The following MYOF variants were observed in gnomAD, a reference collection of about 807,000 sequenced individuals.
The protein encoded by MYOF is myoferlin, also known as fer-1-like 3, myoferlin.
In MYOF, 244 loss-of-function variants were observed where a neutral mutation model predicts 284.2. That is an observed-to-expected ratio of 0.86 (90% CI 0.77 to 0.95). The LOEUF (loss-of-function observed/expected upper bound fraction) is 0.95, where lower values mean the gene tolerates loss of function less well. MYOF is among the 40% of genes least tolerant of loss of function. MYOF has a pLI of 0.00. For missense variants in MYOF, 2,496 were observed against 2,560.6 expected (o/e 0.97, Z 0.54); for synonymous variants, 904 against 919.7 (o/e 0.98, Z 0.31).
intron 49 of MYOF, 63 bp from the exon 50 acceptor site, chr10:93,316,876 A>C: frequency 1.5e-6 from 2 of 1,370,330 alleles, no homozygotes; most frequent in Non-Finnish European, 2.1e-6. Context: ...TCCTTAAGAC[A>C]GCATCAAAGC....
intron 1 of MYOF, among the ~76,000 whole-genome samples, chr10:93,478,836 A>AG (rs200937397): frequency 2.1e-3 from 126 of 58,918 alleles, no homozygotes; most frequent in Middle Eastern, 7.6e-3. Context: ...AAAAAAAAAA[A>AG]AAAAAAAGAA....
intron 39 of MYOF, among the ~76,000 whole-genome samples, chr10:93,338,818 G>T (rs940944374): frequency 2.6e-5 from 4 of 151,772 alleles, no homozygotes; most frequent in Non-Finnish European, 5.9e-5. Flanking sequence ...GTCACTTGTG[G>T]AATATTGTCA....
intron 29 of MYOF, among the ~76,000 whole-genome samples, chr10:93,358,753 A>G (rs898111137): frequency 6.6e-6 from 1 of 152,174 alleles, no homozygotes; most frequent in Non-Finnish European, 1.5e-5. Context: ...GAACAATGAG[A>G]ACACTTGGAC....
intron 25 of MYOF, among the ~76,000 whole-genome samples, chr10:93,369,289 G>A (rs1845478454): frequency 6.6e-6 from 1 of 151,832 alleles, no homozygotes. Flanking sequence ...ACTCTACTTA[G>A]TGTCCCAGCA....
At chr10:93,470,399 GT>G (rs1023455153) in intron 1 of MYOF, among the ~76,000 whole-genome samples, 1 of 151,698 alleles carries the variant, frequency 6.6e-6, no homozygotes, top group South Asian at 2.1e-4. Flanking sequence ...AGAAGTTTTT[GT>G]TTTTTTGTTT....
At chr10:93,381,652 C>T (rs1429000610) in intron 19 of MYOF, among the ~76,000 whole-genome samples, 3 of 152,148 alleles carry the variant, frequency 2.0e-5, no homozygotes, top group Non-Finnish European at 4.4e-5. Flanking sequence ...CAGTAGACCA[C>T]TTGTTAAACA....
At chr10:93,428,752 C>G (rs1848708192) in intron 4 of MYOF, among the ~76,000 whole-genome samples, 1 of 152,144 alleles carries the variant, frequency 6.6e-6, no homozygotes, top group Non-Finnish European at 1.5e-5. Flanking sequence ...TCACAGCACA[C>G]AAAGAATCAT....
chr10:93,369,864 TA>T, intron 24 of MYOF, 88 bp from the exon 25 acceptor site: 2 of 1,499,940 alleles, frequency 1.3e-6, no homozygotes, highest in Non-Finnish European at 1.8e-6. Flanking sequence ...AGGGAACATC[TA>T]ATCATTGCTT....
Position 93,372,978 on chromosome 10 carries a change from C to A in MYOF, c.2409G>T (p.Glu803Asp). The change falls in exon 24 of 54, where the codon GAG becomes GAT. Residue 803 changes from glutamate (E) to aspartate (D), a missense_variant. Physicochemically the swap from Glu to Asp is conservative, Grantham distance 45. This residue lies in a region of MYOF where 2,436 missense variants were observed against 2,480.7 expected (regional missense o/e 0.98). Transcript: ENST00000359263. The stretch of plus-strand genomic sequence containing the variant: ...TCCCACAGTATTTTCCAGATGCATT[C>A]TCACCACTGGTGGAGTACAAGACCT... The part of the protein sequence containing the change: ...AHQVLYSTSG[E>D]NASGKYCGKT... 1 of 1,614,216 alleles carries A rather than the reference C, an allele frequency of 6.2e-7. No homozygotes were observed. Among genetic ancestry groups the A allele is most frequent in the Non-Finnish European group, 8.5e-7 (1 of 1,180,032 alleles).
At chr10:93,377,785 A>G (rs1845903707) in intron 21 of MYOF, among the ~76,000 whole-genome samples, 1 of 152,224 alleles carries the variant, frequency 6.6e-6, no homozygotes, top group East Asian at 1.9e-4. Flanking sequence ...TACAGATTTT[A>G]GGATTGAACC....
intron 3 of MYOF, among the ~76,000 whole-genome samples, chr10:93,449,269 T>A (rs1564728022): frequency 1.3e-5 from 2 of 152,260 alleles, no homozygotes; most frequent in African/African-American, 4.8e-5. Context: ...GTTAAATATA[T>A]TATTAAAATT....
chr10:93,429,267 G>A (rs566883946), intron 4 of MYOF, among the ~76,000 whole-genome samples: 4 of 152,166 alleles, frequency 2.6e-5, no homozygotes, highest in African/African-American at 9.6e-5. Context: ...CTTCCCCCAC[G>A]AGTAAAAGCT....
intron 24 of MYOF, among the ~76,000 whole-genome samples, chr10:93,372,435 G>A (rs1845636144): frequency 6.6e-6 from 1 of 152,174 alleles, no homozygotes; most frequent in East Asian, 1.9e-4. Context: ...GCACTTAAGA[G>A]AGTCTATGAC....
chr10:93,406,048 C>T (rs1340898215), intron 7 of MYOF, among the ~76,000 whole-genome samples: 2 of 151,184 alleles, frequency 1.3e-5, no homozygotes, highest in Non-Finnish European at 1.5e-5. Flanking sequence ...ACCTCCGCCT[C>T]CCAGGTTCAA....
At position 93,408,879 on chromosome 10, in the gene MYOF, C is replaced by CATAAGTT; in HGVS notation, c.636_637insAACTTAT (p.Gly213AsnfsTer4). On this transcript the variant is annotated frameshift_variant, in exon 7 of 54. Coordinates refer to ENST00000359263, the MANE Select transcript of MYOF (RefSeq NM_013451.4). LOFTEE classifies it high-confidence loss of function. The stretch of plus-strand genomic sequence containing the variant: ...TTGACCACAGGCCTTATGTTGTTAC[C>CATAAGTT]ACTTAACTGTCGGCCCTCAATCACT... The CATAAGTT allele has an allele frequency of 6.2e-7, 1 of 1,614,196 alleles. No homozygotes were observed. The highest frequency in any genetic ancestry group is 8.5e-7 in the Non-Finnish European group (1 of 1,180,038).
At chr10:93,385,850 T>G (rs1264757675) in intron 19 of MYOF, among the ~76,000 whole-genome samples, 1 of 152,200 alleles carries the variant, frequency 6.6e-6, no homozygotes, top group Admixed American at 6.5e-5. Flanking sequence ...TGACTTTTTT[T>G]TTTTTTTGCT....
chr10:93,478,041 A>T (rs1027121400), intron 1 of MYOF: 4 of 180,778 alleles, frequency 2.2e-5, no homozygotes, highest in Non-Finnish European at 4.5e-5. Context: ...AGAGAGAAAG[A>T]ATAGAAGAGG....
At position 93,475,679 on chromosome 10, in the gene MYOF, A is replaced by G. The variant is rs11187446; in HGVS notation, c.88+6428T>C. ...ACATCAGTGATGTGCTGGGTGTTGCAGAGGATATAACAATCCCACACCTTC... is the reference window on the plus strand; with the variant it reads ...ACATCAGTGATGTGCTGGGTGTTGCGGAGGATATAACAATCCCACACCTTC... On this transcript the variant is annotated intron_variant, in intron 1 of 53. Coordinates refer to ENST00000359263, the MANE Select transcript of MYOF (RefSeq NM_013451.4). Among the ~76,000 whole-genome samples the G allele has an allele frequency of 5.0e-3, 756 of 152,308 alleles. 6 individuals are homozygous for G. Among genetic ancestry groups the G allele is most frequent in the African/African-American group, 0.017 (709 of 41,562 alleles).
intron 7 of MYOF, among the ~76,000 whole-genome samples, chr10:93,404,922 G>C (rs1847483912): frequency 6.6e-6 from 1 of 152,128 alleles, no homozygotes; most frequent in Non-Finnish European, 1.5e-5. Flanking sequence ...TGAATATTAG[G>C]TATATAGGAG....
Sources: allele counts gnomAD v4.1 joint callset (sites outside exome capture counted in the v4.1 genomes callset), GRCh38; gene constraint gnomAD v4.1.1; regional missense constraint gnomAD v4.1.1; transcripts MANE v1.5; gene names NCBI Gene and HGNC (gene_info 2026-07-23, HGNC 2026-07-21).